Variants in NHSL1 observed in about 807,000 individuals in gnomAD.
NHSL1 encodes the protein NHS like 1, also known as NHS-like protein 1.
NHSL1 carries 48 observed loss-of-function variants against 95.0 expected under a neutral mutation model. The observed-to-expected ratio is 0.51, with a 90% CI of 0.40 to 0.64. The LOEUF (loss-of-function observed/expected upper bound fraction) is 0.64, where lower values mean the gene tolerates loss of function less well. Ranked by LOEUF, NHSL1 falls within the 30% of genes least tolerant of loss-of-function variation. NHSL1 has a pLI of 0.00. For missense variants in NHSL1, 1,971 were observed against 2,077.7 expected (o/e 0.95, Z 1.00); for synonymous variants, 783 against 833.9 (o/e 0.94, Z 1.05).
At chr6:138,429,909 T>G in intron 6 of NHSL1, 66 bp from the exon 7 acceptor site, 2 of 1,470,552 alleles carry the variant, frequency 1.4e-6, no homozygotes, top group Middle Eastern at 4.4e-4. Flanking sequence ...CAGCCAAGCT[T>G]CTAAATATGC....
chr6:138,513,840 T>C (rs1484908685), intron 1 of NHSL1, among the ~76,000 whole-genome samples: 1 of 152,200 alleles, frequency 6.6e-6, no homozygotes, highest in Non-Finnish European at 1.5e-5. Flanking sequence ...GACTAATTTG[T>C]TTAATCTCCC....
intron 1 of NHSL1, among the ~76,000 whole-genome samples, chr6:138,552,919 C>T (rs1783063143): frequency 6.6e-6 from 1 of 152,214 alleles, no homozygotes; most frequent in African/African-American, 2.4e-5. Flanking sequence ...AGCATAGTGC[C>T]TATGGCTGAG....
At chr6:138,555,664 G>A (rs1783170654) in intron 1 of NHSL1, among the ~76,000 whole-genome samples, 1 of 152,144 alleles carries the variant, frequency 6.6e-6, no homozygotes, top group Non-Finnish European at 1.5e-5. Context: ...TTCCTCTTTT[G>A]TCTTTGCTAT....
chr6:138,484,050 G>A (rs924057614), intron 2 of NHSL1, among the ~76,000 whole-genome samples: 3 of 152,170 alleles, frequency 2.0e-5, no homozygotes, highest in Admixed American at 1.3e-4. Context: ...GAGGATGAGA[G>A]GAGAGTAGGT....
upstream of NHSL1, among the ~76,000 whole-genome samples, chr6:138,501,862 C>T (rs990488870): frequency 1.3e-5 from 2 of 152,206 alleles, no homozygotes; most frequent in Admixed American, 6.5e-5. Context: ...ATCATCTCTA[C>T]ATTACTTATA....
chr6:138,665,005 A>C (rs1186929691), intron 1 of NHSL1, among the ~76,000 whole-genome samples: 1 of 152,218 alleles, frequency 6.6e-6, no homozygotes, highest in Non-Finnish European at 1.5e-5. Context: ...ATGTTTGACC[A>C]AACATCTGGG....
intron 1 of NHSL1, among the ~76,000 whole-genome samples, chr6:138,539,857 T>C (rs1457471243): frequency 6.6e-6 from 1 of 152,200 alleles, no homozygotes. Context: ...TCTCAATTTA[T>C]AGTATTACAC....
intron 3 of NHSL1, among the ~76,000 whole-genome samples, chr6:138,459,411 A>G (rs1380764110): frequency 6.6e-6 from 1 of 152,202 alleles, no homozygotes; most frequent in Non-Finnish European, 1.5e-5. Context: ...GACTTTGTAG[A>G]TATGAAAGTT....
chr6:138,662,272 T>G (rs542953726), intron 1 of NHSL1, among the ~76,000 whole-genome samples: 1 of 152,356 alleles, frequency 6.6e-6, no homozygotes, highest in East Asian at 1.9e-4. Flanking sequence ...AAAAGATTCC[T>G]GGATTGTCAT....
rs562169954 is a variant in NHSL1 at position 138,605,728 on chromosome 6, T to C, written c.96+86748A>G. Among the ~76,000 whole-genome samples, 312 of 152,332 alleles carry C rather than the reference T, an allele frequency of 2.0e-3. 2 individuals carry two copies. Among genetic ancestry groups the C allele is most frequent in the Middle Eastern group, 0.014 (4 of 294 alleles). ...CTTTCAGAGAACAGACTCAACACCA[T>C]ATTCATCTGATTAAGGTAAGTTTCT... is the stretch of plus-strand genomic sequence containing the variant. On this transcript the variant is annotated intron_variant, in intron 1 of 3. Transcript: ENST00000491526.
chr6:138,661,848 C>CT (rs1210789840), intron 1 of NHSL1, among the ~76,000 whole-genome samples: 1 of 152,078 alleles, frequency 6.6e-6, no homozygotes, highest in Non-Finnish European at 1.5e-5. Flanking sequence ...GGGAAGACTG[C>CT]TTGATTGAGG....
intron 2 of NHSL1, among the ~76,000 whole-genome samples, chr6:138,475,052 G>C (rs1386768761): frequency 1.3e-5 from 2 of 151,946 alleles, no homozygotes; most frequent in African/African-American, 4.8e-5. Flanking sequence ...GGAAGGTTGA[G>C]GCAGGAGAAT....
At position 138,429,815 on chromosome 6, in the gene NHSL1, ACCGGCT is replaced by A. The variant is rs1251929046; in HGVS notation, c.3975_3980del (p.Ala1326_Gly1327del). On this transcript the variant is annotated inframe_deletion, in exon 7 of 8. Transcript: ENST00000343505. ...GGAAGTCACAGGCCTCTGAGGATGA[ACCGGCT>A]GCGTTGGTCTCCGGCACCCCAGCTA... 6.4e-7 allele frequency: 1 copy of A among 1,551,620 alleles called. No homozygotes were observed. The highest frequency in any genetic ancestry group is 8.7e-7 in the Non-Finnish European group (1 of 1,146,972).
At chr6:138,442,404 A>C (rs1776587640) in intron 4 of NHSL1, among the ~76,000 whole-genome samples, 1 of 152,226 alleles carries the variant, frequency 6.6e-6, no homozygotes, top group Non-Finnish European at 1.5e-5. Context: ...TGTGTTATTT[A>C]ACAAAACAAA....
At chr6:138,630,209 C>G (rs1280695341) in intron 1 of NHSL1, among the ~76,000 whole-genome samples, 1 of 151,376 alleles carries the variant, frequency 6.6e-6, no homozygotes, top group African/African-American at 2.4e-5. Flanking sequence ...CTTGTCTCCC[C>G]GCCCACTCCC....
intron 3 of NHSL1, among the ~76,000 whole-genome samples, chr6:138,468,729 G>A (rs1410769334): frequency 2.0e-5 from 3 of 152,192 alleles, no homozygotes; most frequent in Non-Finnish European, 2.9e-5. Flanking sequence ...TCTAGCCTAG[G>A]TGTGTAGTAG....
At chr6:138,666,932 C>T (rs1785303142) in intron 1 of NHSL1, among the ~76,000 whole-genome samples, 1 of 152,072 alleles carries the variant, frequency 6.6e-6, no homozygotes, top group South Asian at 2.1e-4. Context: ...TTCACGGATT[C>T]CAGATTCAAT....
intron 1 of NHSL1, among the ~76,000 whole-genome samples, chr6:138,688,251 C>A (rs116784875): frequency 4.0e-4 from 61 of 152,258 alleles, no homozygotes; most frequent in African/African-American, 1.4e-3. Flanking sequence ...TCCACCCGGC[C>A]AAACAGTATG....
rs748509816 is a variant in NHSL1, at chr6:138,424,342, G to T, written c.4560C>A (p.Ser1520Arg). 1.3e-6 allele frequency: 2 copies of T among 1,544,570 alleles called. No homozygotes were observed. The highest frequency in any genetic ancestry group is 1.7e-6 in the Non-Finnish European group (2 of 1,142,908). The change falls in exon 8 of 8, where the codon AGC (serine) becomes AGA (arginine). Residue 1520 changes from serine (S) to arginine (R), a missense_variant. By Grantham distance (110) the Ser-to-Arg change is moderately radical. This residue lies in a region of NHSL1 where 223 missense variants were observed against 217.0 expected (regional missense o/e 1.03). Coordinates refer to ENST00000343505, the MANE Select transcript of NHSL1 (RefSeq NM_001144060.2). This position sits in a 1 kb window ranked among gnomAD's most constrained non-coding sequence, Gnocchi z 5.9. ...RYSMRNRIQS[S>R]PMTVISEGEG... ...CTCCCTCCGAGATGACGGTCATGGG[G>T]CTGCTCTGGATCCGGTTCCGCATGC...
Sources: gnomAD v4.1 joint callset for allele counts (sites outside exome capture counted in the v4.1 genomes callset) on GRCh38, gnomAD v4.1.1 for gene constraint, gnomAD v4.1.1 regional missense constraint, Gnocchi (gnomAD v3.1) non-coding constraint, MANE v1.5 for transcripts, NCBI Gene and HGNC (gene_info 2026-07-23, HGNC 2026-07-21) for gene names.